NLGN1: variants seen among roughly 807,000 people sequenced by gnomAD.
NLGN1 encodes neuroligin-1.
In NLGN1, 12 loss-of-function variants were observed where a neutral mutation model predicts 65.5. The observed-to-expected ratio is 0.18, with a 90% confidence interval of 0.12 to 0.30. The LOEUF (loss-of-function observed/expected upper bound fraction) is 0.30, where lower values mean the gene tolerates loss of function less well. Ranked by LOEUF, NLGN1 falls within the 10% of genes least tolerant of loss-of-function variation. NLGN1 has a pLI of 1.00. For synonymous variants in NLGN1, 350 were observed against 359.5 expected (o/e 0.97, Z 0.30); for missense variants, 750 against 1,007.1 (o/e 0.74, Z 3.46).
intron 4 of NLGN1, among the ~76,000 whole-genome samples, chr3:173,972,297 A>G (rs1716437726): frequency 6.6e-6 from 1 of 152,224 alleles, no homozygotes; most frequent in Non-Finnish European, 1.5e-5. Flanking sequence ...CTGGCTTACT[A>G]CTTTATGATT....
intron 4 of NLGN1, among the ~76,000 whole-genome samples, chr3:173,878,347 A>G (rs1337360593): frequency 3.3e-5 from 5 of 152,128 alleles, no homozygotes; most frequent in East Asian, 1.9e-4. Context: ...GCCAAAATGC[A>G]TAACATATAA....
chr3:173,699,496 A>G (rs151243006), intron 3 of NLGN1, among the ~76,000 whole-genome samples: 256 of 152,350 alleles, frequency 1.7e-3, no homozygotes, highest in African/African-American at 5.9e-3. Context: ...GGACAGCAGT[A>G]AAAACTGTTC....
chr3:173,478,859 T>G (rs943073982), intron 2 of NLGN1, among the ~76,000 whole-genome samples: 5 of 150,688 alleles, frequency 3.3e-5, no homozygotes, highest in African/African-American at 1.2e-4. Flanking sequence ...ACCACTGCAC[T>G]CCAGCATGGG....
At chr3:174,086,215 G>GTATATTTATGTATGTGCACATA (rs1321357285) in intron 4 of NLGN1, among the ~76,000 whole-genome samples, 9 of 3,094 alleles carry the variant, frequency 2.9e-3, no homozygotes, top group African/African-American at 0.015. Flanking sequence ...GCGTGTGTGT[G>GTATATTTATGTATGTGCACATA]TATATTTATG....
intron 4 of NLGN1, among the ~76,000 whole-genome samples, chr3:174,228,286 A>G (rs1431930652): frequency 6.6e-6 from 1 of 152,160 alleles, no homozygotes; most frequent in Non-Finnish European, 1.5e-5. Flanking sequence ...TTAAAATGAT[A>G]CATCATCAGT....
chr3:173,866,377 A>C (rs748285168), intron 4 of NLGN1, among the ~76,000 whole-genome samples: 24 of 151,868 alleles, frequency 1.6e-4, no homozygotes, highest in Admixed American at 9.2e-4. Context: ...AACAAACAAA[A>C]AAAGGCAGGG....
intron 2 of NLGN1, among the ~76,000 whole-genome samples, chr3:173,448,491 T>A (rs554532944): frequency 1.7e-4 from 26 of 152,254 alleles, no homozygotes; most frequent in African/African-American, 4.8e-4. Context: ...TTTTTGCATC[T>A]ATGTTCATCA....
intron 4 of NLGN1, among the ~76,000 whole-genome samples, chr3:174,071,313 A>T (rs1032414876): frequency 1.3e-5 from 2 of 152,150 alleles, no homozygotes; most frequent in African/African-American, 4.8e-5. Context: ...AATAGAATCA[A>T]TTAGGAAAAA....
chr3:173,448,656 C>A (rs1234026803), intron 2 of NLGN1, among the ~76,000 whole-genome samples: 1 of 152,140 alleles, frequency 6.6e-6, no homozygotes, highest in Non-Finnish European at 1.5e-5. Context: ...CCTCTTTGTA[C>A]CTCTGGTAGA....
At chr3:173,512,773 A>C (rs559783570) in intron 2 of NLGN1, among the ~76,000 whole-genome samples, 1 of 152,240 alleles carries the variant, frequency 6.6e-6, no homozygotes, top group African/African-American at 2.4e-5. Context: ...TGTCACTGTC[A>C]GTTACAACAT....
At chr3:173,861,305 A>G (rs1729021984) in intron 4 of NLGN1, among the ~76,000 whole-genome samples, 1 of 152,062 alleles carries the variant, frequency 6.6e-6, no homozygotes, top group African/African-American at 2.4e-5. Context: ...TAATAAAATC[A>G]AGAAAAATGG....
intron 4 of NLGN1, among the ~76,000 whole-genome samples, chr3:173,883,814 C>CTTT (rs74363696): frequency 2.9e-4 from 28 of 96,460 alleles, no homozygotes; most frequent in Non-Finnish European, 3.9e-4. Flanking sequence ...GGGAAACTTT[C>CTTT]TTTTTTTTTT....
chr3:173,917,425 TAAC>T (rs1183745227), intron 4 of NLGN1, among the ~76,000 whole-genome samples: 1 of 152,198 alleles, frequency 6.6e-6, no homozygotes, highest in Non-Finnish European at 1.5e-5. Flanking sequence ...GTGATTGGCA[TAAC>T]ACCAGGAACA....
Position 174,124,547 on chromosome 3 carries a change from T to TTA in NLGN1, c.647-150759_647-150758dup, listed in dbSNP as rs1281204856. ...TATGTACTTACTTATATACATATAC[T>TTA]TATATATATACGTATATATACGTAT... On this transcript the variant is annotated intron_variant, in intron 4 of 6. Transcript: ENST00000457714. Among the ~76,000 whole-genome samples the TTA allele has an allele frequency of 8.2e-5, 12 of 147,044 alleles. No individual in the cohort carries two copies. The South Asian group carries it at 8.4e-4, about 10-fold the overall frequency.
intron 2 of NLGN1, among the ~76,000 whole-genome samples, chr3:173,503,082 TTGTGTG>T (rs144519410): frequency 6.7e-6 from 1 of 149,818 alleles, no homozygotes; most frequent in Non-Finnish European, 1.5e-5. Context: ...ATATGGCATG[TTGTGTG>T]TGTGTGTGTG....
intron 3 of NLGN1, among the ~76,000 whole-genome samples, chr3:173,804,226 C>CA (rs1291041454): frequency 6.6e-6 from 1 of 151,898 alleles, no homozygotes; most frequent in Non-Finnish European, 1.5e-5. Context: ...AAAACCATTG[C>CA]AAATAATGGA....
intron 4 of NLGN1, among the ~76,000 whole-genome samples, chr3:173,958,205 C>T (rs1712602264): frequency 6.6e-6 from 1 of 152,224 alleles, no homozygotes; most frequent in Admixed American, 6.5e-5. Flanking sequence ...TGTTTCAGCC[C>T]TGTTACTTAC....
At chr3:173,635,924 A>G (rs1373190303) in intron 3 of NLGN1, among the ~76,000 whole-genome samples, 1 of 152,148 alleles carries the variant, frequency 6.6e-6, no homozygotes, top group Admixed American at 6.6e-5. Context: ...TAGATGTGAA[A>G]GAAGATAGTG....
chr3:173,850,779 C>A (rs963420487), intron 4 of NLGN1, among the ~76,000 whole-genome samples: 2 of 152,104 alleles, frequency 1.3e-5, no homozygotes, highest in Non-Finnish European at 2.9e-5. Context: ...CTCTGTCACC[C>A]AGGCTAGAGT....
Sources: gnomAD v4.1 joint callset for allele counts (sites outside exome capture counted in the v4.1 genomes callset) on GRCh38, gnomAD v4.1.1 for gene constraint, MANE v1.5 for transcripts, NCBI Gene and HGNC (gene_info 2026-07-23, HGNC 2026-07-21) for gene names.